Variants in ZNF44 observed in about 807,000 individuals in gnomAD.
ZNF44 encodes gonadotropin inducible transcription repressor-2.
In ZNF44, 9 loss-of-function variants were observed where a neutral mutation model predicts 11.7. The ratio of observed to expected loss-of-function variants is 0.77; its 90% confidence interval spans 0.46 to 1.35. The LOEUF is 1.35. ZNF44 is among the 40% of genes most tolerant of loss of function. The pLI is 0.00. For missense variants in ZNF44, 696 were observed against 743.1 expected, an observed-to-expected ratio of 0.94 and a Z score of 0.74; for synonymous variants, 224 against 242.7, an observed-to-expected ratio of 0.92 and a Z score of 0.72.
chr19:12,283,640 T>C (rs1599541949), intron 1 of ZNF44, among the ~76,000 whole-genome samples: 1 of 152,368 alleles, frequency 6.6e-6, no homozygotes, highest in East Asian at 1.9e-4. Context: ...GAAAAAATGT[T>C]TTTCTTATTT....
intron 5 of ZNF44, among the ~76,000 whole-genome samples, chr19:12,262,437 A>AT (rs1424979104): frequency 6.6e-6 from 1 of 151,862 alleles, no homozygotes; most frequent in Admixed American, 6.6e-5. Context: ...CACCAGGCTA[A>AT]TTTTTGTATT....
chr19:12,225,795 G>C (rs530951355), downstream of ZNF44, among the ~76,000 whole-genome samples: 11 of 152,308 alleles, frequency 7.2e-5, no homozygotes, highest in South Asian at 2.3e-3. Flanking sequence ...GGGTGAGACT[G>C]AATAGGATGA....
At chr19:12,262,226 A>G (rs1471861743) in intron 5 of ZNF44, among the ~76,000 whole-genome samples, 2 of 152,180 alleles carry the variant, frequency 1.3e-5, no homozygotes, top group African/African-American at 4.8e-5. Flanking sequence ...TAGGAACTCA[A>G]TTGAATTTTC....
intron 1 of ZNF44, chr19:12,293,245 A>T: frequency 6.5e-7 from 1 of 1,536,470 alleles, no homozygotes; most frequent in South Asian, 1.2e-5. Context: ...ATCCTTTGGG[A>T]GGCCCCACTC....
chr19:12,267,036 C>T (rs11881349), downstream of ZNF44, among the ~76,000 whole-genome samples: 25,329 of 147,342 alleles, frequency 0.17, 2,265 homozygotes, highest in East Asian at 0.24. Flanking sequence ...CTCATTTTTT[C>T]TTTTTTCTTT....
chr19:12,240,868 C>T (rs192091664), upstream of ZNF44, among the ~76,000 whole-genome samples: 130 of 152,290 alleles, frequency 8.5e-4, no homozygotes, highest in African/African-American at 3.0e-3. Context: ...ATTTTCATGA[C>T]ATTGGATTTA....
intron 5 of ZNF44, among the ~76,000 whole-genome samples, chr19:12,254,626 T>C (rs1213784876): frequency 6.6e-6 from 1 of 152,052 alleles, no homozygotes; most frequent in African/African-American, 2.4e-5. Context: ...TCTCAGCTAC[T>C]TGGGAGGCTG....
At chr19:12,258,160 CA>C (rs770370872) in intron 5 of ZNF44, among the ~76,000 whole-genome samples, 5,229 of 55,810 alleles carry the variant, frequency 0.094, 79 homozygotes, top group Admixed American at 0.16. Context: ...CTCATCTCTA[CA>C]AAAAAAAAAA....
chr19:12,249,851 G>A, intron 7 of ZNF44: 1 of 658,466 alleles, frequency 1.5e-6, no homozygotes, highest in Non-Finnish European at 2.2e-6. Context: ...TGCGCTAGCT[G>A]GGTTAATATT....
At chr19:12,267,892 A>G (rs571019620), downstream of ZNF44, among the ~76,000 whole-genome samples, 1 of 151,020 alleles carries the variant, frequency 6.6e-6, no homozygotes, top group African/African-American at 2.4e-5. Flanking sequence ...GCTGGAGTAC[A>G]GTGGTGTGAT....
Sources: gnomAD v4.1 joint callset for allele counts (sites outside exome capture counted in the v4.1 genomes callset) on GRCh38, gnomAD v4.1.1 for gene constraint, MANE v1.5 for transcripts, NCBI Gene and HGNC (gene_info 2026-07-23, HGNC 2026-07-21) for gene names.